Variants in EIPR1 observed in about 807,000 individuals in gnomAD.
EIPR1 encodes the protein EARP and GARP complex-interacting protein 1.
EIPR1 carries 25 observed loss-of-function variants against 48.1 expected under a neutral mutation model. The observed-to-expected ratio is 0.52, with a 90% CI of 0.38 to 0.73. The LOEUF is 0.73. EIPR1 is among the 30% of genes least tolerant of loss of function. EIPR1 has a pLI of 0.00. For synonymous variants in EIPR1, 204 were observed against 201.9 expected (o/e 1.01, Z -0.09); for missense variants, 415 against 506.2 (o/e 0.82, Z 1.73).
chr2:3,202,087 G>A (rs186683279), intron 5 of EIPR1, among the ~76,000 whole-genome samples: 11,179 of 152,044 alleles, frequency 0.074, 1,019 homozygotes, highest in East Asian at 0.51. Flanking sequence ...ACAGGCGCCC[G>A]CCACCACGCC....
At position 3,331,211 on chromosome 2, in the gene EIPR1, T is replaced by A. The variant is rs1193141639; in HGVS notation, c.259+6806A>T. 1.9e-5 allele frequency among the ~76,000 whole-genome samples: 2 copies of A among 103,566 alleles called. 1 individual carries two copies. The highest frequency in any genetic ancestry group is 3.6e-5 in the Non-Finnish European group (2 of 55,304). The allele number at this position is 103,566 out of a possible 152,430, so 67.9% of individuals were successfully genotyped here. Reference sequence around the variant, plus strand: ...CATATGGTGTGAGCAGAGGCAGGTGTGTATACACTCATGAGATGTGTCAGC... The same window carrying A: ...CATATGGTGTGAGCAGAGGCAGGTGAGTATACACTCATGAGATGTGTCAGC... On this transcript the variant is annotated intron_variant, in intron 3 of 8. Transcript: ENST00000382125.
chr2:3,208,882 A>T, intron 5 of EIPR1: 1 of 1,549,560 alleles, frequency 6.5e-7, no homozygotes, highest in Non-Finnish European at 8.7e-7. Context: ...CCTCTTCCCC[A>T]CAAGGCCTCC....
At chr2:3,237,144 T>C (rs1297911392) in intron 4 of EIPR1, among the ~76,000 whole-genome samples, 2 of 151,166 alleles carry the variant, frequency 1.3e-5, no homozygotes, top group Admixed American at 1.3e-4. Context: ...CGAGGAGAAC[T>C]GTCCAGAAAA....
intron 3 of EIPR1, among the ~76,000 whole-genome samples, chr2:3,303,853 A>C (rs978772508): frequency 6.6e-5 from 10 of 152,226 alleles, no homozygotes; most frequent in Admixed American, 4.6e-4. Flanking sequence ...CTGACCAGCC[A>C]TAACAGACAG....
At position 3,337,050 on chromosome 2, in the gene EIPR1, AAAGGGTAAAAAG is replaced by A. The variant is rs1158182453; in HGVS notation, c.259+955_259+966del. Among the ~76,000 whole-genome samples the A allele has an allele frequency of 1.2e-4, 10 of 86,294 alleles. 1 individual carries two copies. Among genetic ancestry groups the A allele is most frequent in the African/African-American group, 3.8e-4 (10 of 26,482 alleles). 56.6% of individuals were successfully genotyped at this position (86,294 alleles called of 152,430 possible). Reference sequence around the variant, plus strand: ...GGAAGGGAAAAGAAAAGAGAAGGGAAAAGGGTAAAAAGAAGGGAAGGGGGAAGGGAAGAGAAA... The same window carrying A: ...GGAAGGGAAAAGAAAAGAGAAGGGAAAAGGGAAGGGGGAAGGGAAGAGAAA... On this transcript the variant is annotated intron_variant, in intron 3 of 8. Coordinates refer to ENST00000382125, the MANE Select transcript of EIPR1 (RefSeq NM_003310.5).
At chr2:3,223,485 C>T (rs777807893) in intron 4 of EIPR1, among the ~76,000 whole-genome samples, 42 of 152,154 alleles carry the variant, frequency 2.8e-4, no homozygotes, top group Admixed American at 1.1e-3. Context: ...GAATTCATCC[C>T]GCCCCCTCTG....
intron 4 of EIPR1, among the ~76,000 whole-genome samples, chr2:3,255,344 G>A (rs913591126): frequency 1.3e-5 from 2 of 151,940 alleles, no homozygotes; most frequent in East Asian, 1.9e-4. Flanking sequence ...CACCACACAC[G>A]GCTAATTTTT....
chr2:3,269,628 CTCAA>C (rs1222735521), intron 3 of EIPR1, among the ~76,000 whole-genome samples: 1 of 122,400 alleles, frequency 8.2e-6, no homozygotes, highest in Non-Finnish European at 2.0e-5. Flanking sequence ...AATCATCGCA[CTCAA>C]TCATCACACT....
intron 3 of EIPR1, among the ~76,000 whole-genome samples, chr2:3,280,183 C>CTTCAA (rs1667972479): frequency 6.6e-6 from 1 of 152,230 alleles, no homozygotes; most frequent in Admixed American, 6.5e-5. Flanking sequence ...AACACTCTTC[C>CTTCAA]TTCCACACTG....
chr2:3,216,130 G>A (rs754091340), intron 4 of EIPR1, among the ~76,000 whole-genome samples: 26 of 152,246 alleles, frequency 1.7e-4, no homozygotes, highest in Middle Eastern at 3.4e-3. Flanking sequence ...GGTAGAGTTC[G>A]GACAGCTTGA....
intron 3 of EIPR1, among the ~76,000 whole-genome samples, chr2:3,308,828 C>T (rs1669034996): frequency 6.6e-6 from 1 of 152,160 alleles, no homozygotes; most frequent in Admixed American, 6.5e-5. Context: ...CAAAGCAGAA[C>T]AATATTTTTC....
At chr2:3,321,827 C>T (rs951255639) in intron 3 of EIPR1, among the ~76,000 whole-genome samples, 4 of 152,180 alleles carry the variant, frequency 2.6e-5, no homozygotes, top group East Asian at 1.9e-4. Flanking sequence ...CTGGACCAGG[C>T]GGGCACATCA....
At chr2:3,285,340 CCCCCCA>C (rs1668149884) in intron 3 of EIPR1, among the ~76,000 whole-genome samples, 1 of 149,144 alleles carries the variant, frequency 6.7e-6, no homozygotes, top group Non-Finnish European at 1.5e-5. Context: ...CCCACCCCCA[CCCCCCA>C]GGTCCCAGCT....
intron 3 of EIPR1, among the ~76,000 whole-genome samples, chr2:3,276,991 T>C (rs1013550305): frequency 6.6e-6 from 1 of 152,218 alleles, no homozygotes; most frequent in Non-Finnish European, 1.5e-5. Flanking sequence ...TGTTTGTCAG[T>C]TACGGGTACT....
At chr2:3,224,538 T>C (rs1467481694) in intron 4 of EIPR1, among the ~76,000 whole-genome samples, 2 of 152,182 alleles carry the variant, frequency 1.3e-5, no homozygotes. Flanking sequence ...CAGGCTCTGC[T>C]GCAGGGCCCC....
At chr2:3,376,509 G>T (rs1238276806) in intron 1 of EIPR1, among the ~76,000 whole-genome samples, 1 of 152,104 alleles carries the variant, frequency 6.6e-6, no homozygotes, top group African/African-American at 2.4e-5. Context: ...AGGCCAAGAT[G>T]GTGAAACCCC....
chr2:3,279,218 C>T (rs933376054), intron 3 of EIPR1, among the ~76,000 whole-genome samples: 4 of 152,208 alleles, frequency 2.6e-5, no homozygotes, highest in African/African-American at 9.6e-5. Flanking sequence ...AAATCTTCAT[C>T]CCTTCATTCT....
At chr2:3,245,539 T>A (rs1309376964) in intron 4 of EIPR1, among the ~76,000 whole-genome samples, 1 of 152,242 alleles carries the variant, frequency 6.6e-6, no homozygotes, top group African/African-American at 2.4e-5. Flanking sequence ...ATGGAGACTT[T>A]AAACAAACTT....
At chr2:3,324,276 C>A (rs1558298625) in intron 3 of EIPR1, among the ~76,000 whole-genome samples, 2 of 152,164 alleles carry the variant, frequency 1.3e-5, no homozygotes, top group Non-Finnish European at 2.9e-5. Context: ...CTCACTGCCC[C>A]TGGGGACATG....
Sources: allele counts gnomAD v4.1 joint callset (sites outside exome capture counted in the v4.1 genomes callset), GRCh38; gene constraint gnomAD v4.1.1; transcripts MANE v1.5; gene names NCBI Gene and HGNC (gene_info 2026-07-23, HGNC 2026-07-21).